Variants in C1orf21 observed in about 807,000 individuals in gnomAD.
C1orf21 encodes uncharacterized protein C1orf21.
In C1orf21, 3 loss-of-function variants were observed where a neutral mutation model predicts 18.7. The observed-to-expected ratio is 0.16, with a 90% CI of 0.07 to 0.42. C1orf21 has a LOEUF of 0.42. Ranked by LOEUF, C1orf21 falls within the 10% of genes least tolerant of loss-of-function variation. The pLI, the probability that C1orf21 is intolerant of heterozygous loss-of-function variation, is 0.99. For missense variants in C1orf21, 104 were observed against 143.6 expected, an observed-to-expected ratio of 0.72 and a Z score of 1.41; for synonymous variants, 41 against 46.4, an observed-to-expected ratio of 0.88 and a Z score of 0.47.
intron 5 of C1orf21, among the ~76,000 whole-genome samples, chr1:184,601,027 A>T (rs1277316920): frequency 6.6e-6 from 1 of 152,230 alleles, no homozygotes; most frequent in African/African-American, 2.4e-5. Flanking sequence ...CCATTGCTAA[A>T]TATTTATTTG....
chr1:184,517,573 T>C (rs1006747078), intron 3 of C1orf21, among the ~76,000 whole-genome samples: 21 of 152,204 alleles, frequency 1.4e-4, no homozygotes, highest in Non-Finnish European at 2.6e-4. Context: ...TGTCAAGCTA[T>C]GTGAAGTACT....
At chr1:184,566,426 G>T in intron 3 of C1orf21, 1 of 174,344 alleles carries the variant, frequency 5.7e-6, no homozygotes, top group Non-Finnish European at 1.2e-5. Flanking sequence ...CAGCTGCCGT[G>T]TTCAGCACAG....
intron 3 of C1orf21, among the ~76,000 whole-genome samples, chr1:184,590,344 G>C (rs1260659601): frequency 6.6e-6 from 1 of 152,200 alleles, no homozygotes; most frequent in East Asian, 1.9e-4. Flanking sequence ...AGTAAGTGCA[G>C]TTGTCTTTTA....
At chr1:184,491,591 A>G (rs992430553) in intron 2 of C1orf21, among the ~76,000 whole-genome samples, 2 of 152,116 alleles carry the variant, frequency 1.3e-5, no homozygotes, top group South Asian at 4.2e-4. Flanking sequence ...AGCTCAAGCA[A>G]TCTGCCCACC....
At chr1:184,489,548 C>T (rs983376024) in intron 2 of C1orf21, among the ~76,000 whole-genome samples, 2 of 152,118 alleles carry the variant, frequency 1.3e-5, no homozygotes, top group African/African-American at 2.4e-5. Context: ...ATGCCCTTTG[C>T]CCCAGGAGAC....
intron 1 of C1orf21, among the ~76,000 whole-genome samples, chr1:184,437,807 A>T (rs1365235692): frequency 6.6e-6 from 1 of 151,938 alleles, no homozygotes. Context: ...AATCAGTGGG[A>T]GCCCTGAGCT....
At chr1:184,564,990 G>A (rs1037572392) in intron 3 of C1orf21, among the ~76,000 whole-genome samples, 7 of 152,166 alleles carry the variant, frequency 4.6e-5, no homozygotes, top group African/African-American at 1.7e-4. Flanking sequence ...GCCACTAACA[G>A]TATGAACTTC....
At chr1:184,552,067 A>G (rs1342880787) in intron 3 of C1orf21, among the ~76,000 whole-genome samples, 1 of 152,206 alleles carries the variant, frequency 6.6e-6, no homozygotes, top group Admixed American at 6.5e-5. Flanking sequence ...GAAACTTTTT[A>G]CATGAAATAG....
chr1:184,408,849 A>G lies in C1orf21; in HGVS notation c.-125+21481A>G, dbSNP rs200562455. Among the ~76,000 whole-genome samples, 3 of 152,304 alleles carry G rather than the reference A, an allele frequency of 2.0e-5. No individual in the cohort carries two copies. The East Asian group carries it at 5.8e-4, about 29-fold the overall frequency. On this transcript the variant is annotated intron_variant, in intron 1 of 5. Coordinates refer to ENST00000235307, the MANE Select transcript of C1orf21 (RefSeq NM_030806.4). Reference sequence around the variant, plus strand: ...TCACCGCCTTTTCTCCAGCATCCCAATCTGATGAAGTCTCATGCATAATAA... The same window carrying G: ...TCACCGCCTTTTCTCCAGCATCCCAGTCTGATGAAGTCTCATGCATAATAA...
chr1:184,571,501 G>A (rs1487123780), intron 3 of C1orf21, among the ~76,000 whole-genome samples: 1 of 152,102 alleles, frequency 6.6e-6, no homozygotes, highest in East Asian at 1.9e-4. Context: ...GAAGAATTTT[G>A]ATTGCCTTTC....
chr1:184,570,168 TTTA>T (rs1659089155), intron 3 of C1orf21, among the ~76,000 whole-genome samples: 1 of 152,132 alleles, frequency 6.6e-6, no homozygotes, highest in South Asian at 2.1e-4. Context: ...GCACAACTTT[TTTA>T]TTTTTTTATT....
At chr1:184,547,653 T>C (rs576378475) in intron 3 of C1orf21, among the ~76,000 whole-genome samples, 1 of 152,140 alleles carries the variant, frequency 6.6e-6, no homozygotes, top group Non-Finnish European at 1.5e-5. Flanking sequence ...TAAAGCCAAA[T>C]GTGTTTTCTC....
intron 1 of C1orf21, among the ~76,000 whole-genome samples, chr1:184,449,995 AACAG>A (rs970109724): frequency 6.6e-6 from 1 of 152,182 alleles, no homozygotes; most frequent in African/African-American, 2.4e-5. Flanking sequence ...GGTTATGGGT[AACAG>A]ACAGAACACA....
At chr1:184,594,254 CTG>C (rs756796001) in intron 4 of C1orf21, among the ~76,000 whole-genome samples, 20 of 152,244 alleles carry the variant, frequency 1.3e-4, no homozygotes, top group African/African-American at 3.4e-4. Context: ...GAAGGAAAAA[CTG>C]TGTTCAGGCC....
rs115223132 is a variant in C1orf21, at chr1:184,404,277, T to C, written c.-125+16909T>C. On this transcript the variant is annotated intron_variant, in intron 1 of 5. Transcript: ENST00000235307. ...ACTTCAGGTGCTAATCTGTACCTTT[T>C]CTCAGTGGAGTCCTTAGTCCATTTT... Among the ~76,000 whole-genome samples the C allele has an allele frequency of 6.3e-3, 961 of 152,350 alleles. 18 individuals carry two copies. The highest frequency in any genetic ancestry group is 0.022 in the African/African-American group (925 of 41,580).
chr1:184,552,155 GA>G (rs993025115), intron 3 of C1orf21, among the ~76,000 whole-genome samples: 12 of 151,940 alleles, frequency 7.9e-5, no homozygotes, highest in African/African-American at 2.2e-4. Flanking sequence ...AATATTACAG[GA>G]AAAAAAATTA....
chr1:184,507,094 TTC>T, intron 2 of C1orf21, among the ~76,000 whole-genome samples: 1 of 152,112 alleles, frequency 6.6e-6, no homozygotes, highest in Non-Finnish European at 1.5e-5. Context: ...CTTCAGTTGT[TTC>T]TATTTATCAA....
At chr1:184,584,483 G>A (rs373519115) in intron 3 of C1orf21, among the ~76,000 whole-genome samples, 3 of 152,086 alleles carry the variant, frequency 2.0e-5, no homozygotes, top group East Asian at 3.9e-4. Context: ...AATGTAAAAT[G>A]GTGCAGCCAC....
rs116393821 is a variant in C1orf21, at chr1:184,396,092, C to T, written c.-125+8724C>T. On this transcript the variant is annotated intron_variant, in intron 1 of 5. Coordinates refer to ENST00000235307, the MANE Select transcript of C1orf21 (RefSeq NM_030806.4). ...GAGCCATGTGGTTATGGATTGATGT[C>T]GCTGGACTTTCCACATATGATAGAG... Among the ~76,000 whole-genome samples, 1,077 of 152,228 alleles carry T rather than the reference C, an allele frequency of 7.1e-3. 8 individuals carry two copies. The highest frequency in any genetic ancestry group is 0.025 in the African/African-American group (1,018 of 41,550).
Sources: allele counts gnomAD v4.1 joint callset (sites outside exome capture counted in the v4.1 genomes callset), GRCh38; gene constraint gnomAD v4.1.1; transcripts MANE v1.5; gene names NCBI Gene and HGNC (gene_info 2026-07-23, HGNC 2026-07-21).